The following RPH3A variants were observed in gnomAD, a reference collection of about 807,000 sequenced individuals.
RPH3A encodes rabphilin-3A.
In RPH3A, 48 loss-of-function variants were observed where a neutral mutation model predicts 102.2. The observed-to-expected ratio is 0.47, with a 90% confidence interval of 0.37 to 0.60. RPH3A has a LOEUF of 0.60. Ranked by LOEUF, RPH3A falls within the 20% of genes least tolerant of loss-of-function variation. RPH3A has a pLI of 0.00. For synonymous variants in RPH3A, 310 were observed against 324.3 expected (o/e 0.96, Z 0.47); for missense variants, 781 against 910.1 (o/e 0.86, Z 1.83).
intron 1 of RPH3A, among the ~76,000 whole-genome samples, chr12:112,702,322 G>A (rs2040399843): frequency 6.6e-6 from 1 of 152,206 alleles, no homozygotes; most frequent in South Asian, 2.1e-4. Flanking sequence ...CAGATGTTGA[G>A]ACTTGCAACA....
intron 13 of RPH3A, among the ~76,000 whole-genome samples, chr12:112,877,071 A>G (rs2042815733): frequency 6.6e-6 from 1 of 152,184 alleles, no homozygotes; most frequent in Non-Finnish European, 1.5e-5. Context: ...TAAGTGCTAC[A>G]TATATTTTTT....
chr12:112,670,994 A>G (rs751000628), intron 1 of RPH3A, among the ~76,000 whole-genome samples: 5 of 152,138 alleles, frequency 3.3e-5, no homozygotes, highest in Admixed American at 1.3e-4. Context: ...CAATTAATCA[A>G]CCACAGGGGG....
chr12:112,760,167 C>T (rs1305897830), intron 1 of RPH3A, among the ~76,000 whole-genome samples: 1 of 152,150 alleles, frequency 6.6e-6, no homozygotes, highest in Non-Finnish European at 1.5e-5. Flanking sequence ...CTCATTACCT[C>T]CCCACTGACC....
chr12:112,585,862 A>G (rs1310351939), intron 1 of RPH3A, among the ~76,000 whole-genome samples: 1 of 152,342 alleles, frequency 6.6e-6, no homozygotes, highest in Admixed American at 6.5e-5. Context: ...AGCCCTCTAG[A>G]TAAGTAGAAC....
At chr12:112,847,633 C>T (rs2136189440) in intron 4 of RPH3A, 63 bp from the exon 5 acceptor site, 1 of 1,553,510 alleles carries the variant, frequency 6.4e-7, no homozygotes, top group South Asian at 1.2e-5. Context: ...CAGTGAGTTT[C>T]CCGGCAGGAA....
intron 6 of RPH3A, among the ~76,000 whole-genome samples, chr12:112,866,063 C>T (rs2042606635): frequency 6.6e-6 from 1 of 152,172 alleles, no homozygotes; most frequent in African/African-American, 2.4e-5. Context: ...AAACTGTCTG[C>T]ACTTGACAGT....
intron 1 of RPH3A, among the ~76,000 whole-genome samples, chr12:112,611,508 G>A (rs989246102): frequency 5.9e-5 from 9 of 151,618 alleles, no homozygotes; most frequent in Admixed American, 1.3e-4. Context: ...GCACAATCTC[G>A]GCCCACTGCA....
At chr12:112,711,479 T>C (rs1156579036) in intron 1 of RPH3A, among the ~76,000 whole-genome samples, 1 of 152,196 alleles carries the variant, frequency 6.6e-6, no homozygotes, top group East Asian at 1.9e-4. Flanking sequence ...CAATGCAATA[T>C]AATTTTCTCA....
rs768702346 is a variant in RPH3A at position 112,868,584 on chromosome 12, C to A, written c.599C>A (p.Ala200Asp). ...CCTGAGCCCAAGCACCCTGCCCGGGCTCCAGCTCGAGGTAGGACAAAACAG... is the reference window on the plus strand; with the variant it reads ...CCTGAGCCCAAGCACCCTGCCCGGGATCCAGCTCGAGGTAGGACAAAACAG... ...PAPEPKHPARAPARGDSEDRR... is the reference protein window; with the variant it reads ...PAPEPKHPARDPARGDSEDRR... The change falls in exon 8 of 22, where the codon GCT becomes GAT. Residue 200 changes from alanine to aspartate, a missense_variant. Ala to Asp is a moderately radical substitution (Grantham distance 126, BLOSUM62 -2). This residue lies in a region of RPH3A where 730 missense variants were observed against 810.0 expected (regional missense o/e 0.90). Coordinates refer to ENST00000389385, the MANE Select transcript of RPH3A (RefSeq NM_001143854.2). 5 of 1,613,996 alleles carry A rather than the reference C, an allele frequency of 3.1e-6. No individual in the cohort carries two copies. Among genetic ancestry groups the A allele is most frequent in the Middle Eastern group, 1.7e-4 (1 of 6,056 alleles).
At chr12:112,718,776 T>C (rs2136041011) in intron 1 of RPH3A, among the ~76,000 whole-genome samples, 1 of 152,188 alleles carries the variant, frequency 6.6e-6, no homozygotes, top group East Asian at 1.9e-4. Flanking sequence ...CCTGTAGCCC[T>C]GCATAGAGGA....
intron 2 of RPH3A, among the ~76,000 whole-genome samples, chr12:112,813,946 T>TTGTG (rs112069714): frequency 6.9e-4 from 102 of 148,680 alleles, no homozygotes; most frequent in Middle Eastern, 3.5e-3. Flanking sequence ...GTTTGTATGA[T>TTGTG]TGTGTGTGTG....
At chr12:112,894,501 G>C in intron 19 of RPH3A, 77 bp from the exon 20 acceptor site, 1 of 1,266,068 alleles carries the variant, frequency 7.9e-7, no homozygotes, top group Non-Finnish European at 1.1e-6. Flanking sequence ...CCCTGATAAA[G>C]AAGGGGCCTT....
intron 1 of RPH3A, among the ~76,000 whole-genome samples, chr12:112,587,956 C>T (rs926002674): frequency 6.6e-6 from 1 of 152,098 alleles, no homozygotes; most frequent in Non-Finnish European, 1.5e-5. Flanking sequence ...GTGATCTCTT[C>T]AAAAATCTAG....
chr12:112,788,784 A>G (rs1359386477), upstream of RPH3A, among the ~76,000 whole-genome samples: 3 of 152,162 alleles, frequency 2.0e-5, no homozygotes, highest in Admixed American at 2.0e-4. Context: ...GAGGCCTGGG[A>G]ACTACTTGGG....
At chr12:112,655,443 C>A (rs1196488997) in intron 1 of RPH3A, among the ~76,000 whole-genome samples, 2 of 151,888 alleles carry the variant, frequency 1.3e-5, no homozygotes, top group African/African-American at 4.8e-5. Context: ...GTAAAACCAA[C>A]TTTTTGCTTA....
At chr12:112,886,737 CA>C (rs950432424) in intron 16 of RPH3A, among the ~76,000 whole-genome samples, 8 of 152,222 alleles carry the variant, frequency 5.3e-5, no homozygotes, top group Non-Finnish European at 8.8e-5. Flanking sequence ...GACCTGGATT[CA>C]AACCCTGGTT....
chr12:112,633,069 G>C (rs1030120051), intron 1 of RPH3A, among the ~76,000 whole-genome samples: 4 of 151,338 alleles, frequency 2.6e-5, no homozygotes, highest in Non-Finnish European at 5.9e-5. Context: ...GCACATGTCT[G>C]TAGTCCCAGC....
chr12:112,716,759 G>T (rs995208586), intron 1 of RPH3A, among the ~76,000 whole-genome samples: 5 of 152,232 alleles, frequency 3.3e-5, no homozygotes, highest in African/African-American at 1.2e-4. Context: ...GAGGAAAGAT[G>T]TTGGGGGACA....
At chr12:112,740,846 G>A (rs1415624576) in intron 1 of RPH3A, among the ~76,000 whole-genome samples, 1 of 152,196 alleles carries the variant, frequency 6.6e-6, no homozygotes, top group East Asian at 1.9e-4. Context: ...CTCCATATGG[G>A]ATGTCTCCTG....
Sources: allele counts gnomAD v4.1 joint callset (sites outside exome capture counted in the v4.1 genomes callset), GRCh38; gene constraint gnomAD v4.1.1; regional missense constraint gnomAD v4.1.1; transcripts MANE v1.5; gene names NCBI Gene and HGNC (gene_info 2026-07-23, HGNC 2026-07-21).